The following MRPL18 variants were observed in gnomAD, a reference collection of about 807,000 sequenced individuals.
The protein encoded by MRPL18 is large ribosomal subunit protein uL18m.
A neutral mutation model predicts 20.9 loss-of-function variants in MRPL18; 16 were observed. That is an observed-to-expected ratio of 0.76 (90% CI 0.52 to 1.16). The LOEUF is 1.16. Among genes scored for constraint, MRPL18 ranks in the 50% most tolerant of loss-of-function variants. MRPL18 has a pLI of 0.00. For missense variants in MRPL18, 233 were observed against 230.6 expected (o/e 1.01, Z -0.07); for synonymous variants, 91 against 87.1 (o/e 1.04, Z -0.25).
intron 2 of MRPL18, among the ~76,000 whole-genome samples, chr6:159,794,618 G>A (rs529678239): frequency 7.2e-5 from 11 of 152,220 alleles, no homozygotes; most frequent in East Asian, 5.8e-4. Flanking sequence ...GTGTTGCATC[G>A]AATTGTCTTG....
chr6:159,794,938 A>T (rs1044271808), intron 2 of MRPL18, among the ~76,000 whole-genome samples: 2 of 152,170 alleles, frequency 1.3e-5, no homozygotes, highest in Admixed American at 6.5e-5. Context: ...TGAGAGGGGG[A>T]TGTGTCAGGG....
chr6:159,796,163 A>G (rs1260077474), intron 2 of MRPL18, among the ~76,000 whole-genome samples: 1 of 124,426 alleles, frequency 8.0e-6, no homozygotes, highest in Non-Finnish European at 1.7e-5. Context: ...CATGCAGCAA[A>G]TTTTGTCCAT....
intron 1 of MRPL18, 50 bp from the exon 2 acceptor site, chr6:159,790,890 T>A: frequency 6.2e-7 from 1 of 1,602,052 alleles, no homozygotes; most frequent in Non-Finnish European, 8.5e-7. Flanking sequence ...GTTCGTGCGC[T>A]GTCCATATCC....
intron 2 of MRPL18, among the ~76,000 whole-genome samples, chr6:159,796,637 A>G (rs1781035289): frequency 6.6e-6 from 1 of 152,066 alleles, no homozygotes; most frequent in Admixed American, 6.5e-5. Context: ...AATAAAAATT[A>G]TCTTGGTGCA....
chr6:159,795,395 G>GCGGCCTTC (rs1409510905), intron 2 of MRPL18, among the ~76,000 whole-genome samples: 12 of 152,262 alleles, frequency 7.9e-5, no homozygotes, highest in Non-Finnish European at 1.6e-4. Context: ...AGAGGTCCCT[G>GCGGCCTTC]CGGCCTTCCG....
upstream of MRPL18, chr6:159,789,979 G>C (rs758437707): frequency 5.6e-6 from 1 of 179,086 alleles, no homozygotes; most frequent in Admixed American, 5.5e-5. Flanking sequence ...CGAGTCGTGC[G>C]TTTTAGGTTT....
chr6:159,798,123 A>C lies in MRPL18; in HGVS notation c.543A>C (p.Ter181TyrextTer10), dbSNP rs756521876. ...GGGAACCTCAGAGAATCTATGAATAAATGGAAGCATTAATTGTTTTGAACA... is the reference window on the plus strand; with the variant it reads ...GGGAACCTCAGAGAATCTATGAATACATGGAAGCATTAATTGTTTTGAACA... ...VLREPQRIYE* is the reference protein window; with the variant it reads ...VLREPQRIYEY Residue 181 changes from the stop codon to tyrosine (Y), a stop_lost, in exon 4 of 4, where the codon TAA becomes TAC. Transcript: ENST00000367034. 6.2e-7 allele frequency: 1 copy of C among 1,609,478 alleles called. No homozygotes were observed. Among genetic ancestry groups the C allele is most frequent in the Non-Finnish European group, 8.5e-7 (1 of 1,176,000 alleles).
chr6:159,789,978 C>T (rs1364929865), upstream of MRPL18: 6 of 177,188 alleles, frequency 3.4e-5, no homozygotes, highest in East Asian at 1.4e-4. Context: ...GCGAGTCGTG[C>T]GTTTTAGGTT....
At chr6:159,796,315 C>T (rs1411864325) in intron 2 of MRPL18, among the ~76,000 whole-genome samples, 1 of 151,162 alleles carries the variant, frequency 6.6e-6, no homozygotes, top group African/African-American at 2.4e-5. Context: ...CCTGTCTCTA[C>T]AAAAAAATAC....
chr6:159,795,647 C>T lies in MRPL18; in HGVS notation c.240-1640C>T, dbSNP rs921753396. Among the ~76,000 whole-genome samples the T allele has an allele frequency of 7.2e-5, 11 of 152,228 alleles. 1 individual carries two copies. The highest frequency in any genetic ancestry group is 7.2e-4 in the Admixed American group (11 of 15,282). Reference sequence around the variant, plus strand: ...AACAAAATGGAGTCTCCTATGTCTACTTCTTTCTACACAGACAGTAACAAT... The same window carrying T: ...AACAAAATGGAGTCTCCTATGTCTATTTCTTTCTACACAGACAGTAACAAT... On this transcript the variant is annotated intron_variant, in intron 2 of 3. Coordinates refer to ENST00000367034, the MANE Select transcript of MRPL18 (RefSeq NM_014161.5).
intron 1 of MRPL18, 146 bp downstream of exon 1, chr6:159,790,785 G>A (rs1780860473): frequency 8.0e-6 from 11 of 1,377,574 alleles, no homozygotes; most frequent in Middle Eastern, 3.8e-4. Context: ...AGTTAAGGAC[G>A]GGGTCAGTGC....
At chr6:159,792,989 T>C (rs113373842) in intron 2 of MRPL18, among the ~76,000 whole-genome samples, 2 of 151,920 alleles carry the variant, frequency 1.3e-5, no homozygotes, top group African/African-American at 4.8e-5. Context: ...TTTTTCTTTT[T>C]TTTTTTTTCT....
Position 159,798,328 on chromosome 6 carries a change from A to G in MRPL18, c.*205A>G, listed in dbSNP as rs922134963. 3.3e-5 allele frequency: 15 copies of G among 455,884 alleles called. No homozygotes were observed. The highest frequency in any genetic ancestry group is 2.6e-4 in the African/African-American group (13 of 49,298). The allele number at this position is 455,884 out of a possible 1,614,324, so 28.2% of individuals were successfully genotyped here. A position where few individuals can be genotyped will look rare whatever the true frequency, so the allele number is the denominator to read the frequency against. On this transcript the variant is annotated 3_prime_UTR_variant, in exon 4 of 4. Coordinates refer to ENST00000367034, the MANE Select transcript of MRPL18 (RefSeq NM_014161.5). ...ACGTTCTGCCCCTCTCTTGGGCTTC[A>G]GAAGCATCTAAGAAAAGCAGTCATC... is the stretch of plus-strand genomic sequence containing the variant.
At chr6:159,790,177 C>A, upstream of MRPL18, 1 of 255,066 alleles carries the variant, frequency 3.9e-6, no homozygotes, top group Non-Finnish European at 7.8e-6. Context: ...CTGCATCTTG[C>A]CCTGCCTTAT....
intron 2 of MRPL18, among the ~76,000 whole-genome samples, chr6:159,793,090 G>C (rs1780943285): frequency 1.3e-5 from 2 of 151,996 alleles, no homozygotes; most frequent in Admixed American, 1.3e-4. Context: ...GCCTCCCAAG[G>C]TGCTGGGATT....
chr6:159,793,544 G>A (rs906643476), intron 2 of MRPL18, among the ~76,000 whole-genome samples: 4 of 152,126 alleles, frequency 2.6e-5, no homozygotes, highest in African/African-American at 9.7e-5. Context: ...AGAAGCTATT[G>A]GACCTAGAAA....
At chr6:159,793,923 A>G (rs1780971700) in intron 2 of MRPL18, among the ~76,000 whole-genome samples, 1 of 152,076 alleles carries the variant, frequency 6.6e-6, no homozygotes. Flanking sequence ...AAAAAAAAAA[A>G]AGAGATTGTG....
In MRPL18 at chr6:159,790,537, G is replaced by C; in HGVS notation, c.-51G>C. 1 of 1,613,596 alleles carries C rather than the reference G, an allele frequency of 6.2e-7. No individual in the cohort carries two copies. The highest frequency in any genetic ancestry group is 1.1e-5 in the South Asian group (1 of 91,066). ...ATATGGCTGCTCCTGGCGAGCGACT[G>C]AGTCGTCCGTGAGGAAAAAGAGGCG... On this transcript the variant is annotated 5_prime_UTR_variant, in exon 1 of 4. Coordinates refer to ENST00000367034, the MANE Select transcript of MRPL18 (RefSeq NM_014161.5).
intron 2 of MRPL18, among the ~76,000 whole-genome samples, chr6:159,796,300 C>A (rs977383056): frequency 2.0e-5 from 3 of 151,440 alleles, no homozygotes; most frequent in African/African-American, 7.3e-5. Context: ...GGCAATATGG[C>A]AAACCCTGTC....
Sources: allele counts gnomAD v4.1 joint callset (sites outside exome capture counted in the v4.1 genomes callset), GRCh38; gene constraint gnomAD v4.1.1; transcripts MANE v1.5; gene names NCBI Gene and HGNC (gene_info 2026-07-23, HGNC 2026-07-21).